Variants in MRS2 observed in about 807,000 individuals in gnomAD.
MRS2 encodes magnesium transporter MRS2 homolog, mitochondrial.
A neutral mutation model predicts 52.6 loss-of-function variants in MRS2; 40 were observed. The ratio of observed to expected loss-of-function variants is 0.76; its 90% CI spans 0.59 to 0.99. The LOEUF (loss-of-function observed/expected upper bound fraction) is 0.99, where lower values mean the gene tolerates loss of function less well. Among genes scored for constraint, MRS2 ranks in the 50% least tolerant of loss-of-function variants. The pLI is 0.00. For synonymous variants in MRS2, 193 were observed against 195.9 expected (o/e 0.98, Z 0.13); for missense variants, 472 against 532.7 (o/e 0.89, Z 1.12).
At chr6:24,423,104 C>T (rs1235401021) in intron 10 of MRS2, 54 bp downstream of exon 10, 2 of 1,433,390 alleles carry the variant, frequency 1.4e-6, no homozygotes, top group Non-Finnish European at 1.9e-6. Flanking sequence ...ATCATGGGCC[C>T]TAAAGTCAGA....
Position 24,412,310 on chromosome 6 carries a change from C to A in MRS2, c.503C>A (p.Pro168His), listed in dbSNP as rs1443441307. The A allele has an allele frequency of 3.7e-6, 6 of 1,604,042 alleles. No individual in the cohort carries two copies. Residue 168 changes from proline to histidine, a missense_variant, in exon 5 of 11, where the codon CCT becomes CAT. Pro to His is a moderately conservative substitution (Grantham distance 77). Coordinates refer to ENST00000378386, the MANE Select transcript of MRS2 (RefSeq NM_020662.4). ...GAGCAATGGCTGTTCCGGGAACTCC[C>A]TTCACAGTTGTCTGGAGAGGGTCAA... Reference protein sequence around the residue: ...NLEQWLFRELPSQLSGEGQLV... With the variant: ...NLEQWLFRELHSQLSGEGQLV...
intron 10 of MRS2, chr6:24,423,255 G>A: frequency 1.9e-6 from 1 of 531,736 alleles, no homozygotes; most frequent in Non-Finnish European, 3.3e-6. Context: ...TATGTGTAAA[G>A]CACTTACTAG....
chr6:24,403,602 T>G (rs904717630), intron 1 of MRS2, among the ~76,000 whole-genome samples: 1 of 152,228 alleles, frequency 6.6e-6, no homozygotes, highest in Non-Finnish European at 1.5e-5. Context: ...GTGTTGTTTT[T>G]GAGACAGGGT....
intron 9 of MRS2, among the ~76,000 whole-genome samples, chr6:24,422,221 G>A (rs1047929589): frequency 6.6e-6 from 1 of 152,194 alleles, no homozygotes; most frequent in South Asian, 2.1e-4. Flanking sequence ...TAGCTGATCA[G>A]TTGTGTAACA....
At chr6:24,418,321 G>T in intron 8 of MRS2, 85 bp downstream of exon 8, 1 of 1,482,294 alleles carries the variant, frequency 6.7e-7, no homozygotes, top group Non-Finnish European at 9.0e-7. Flanking sequence ...GAGGAATTAC[G>T]CCATCATTAT....
chr6:24,414,940 T>C (rs1205883991), intron 5 of MRS2, 93 bp from the exon 6 acceptor site: 4 of 1,162,184 alleles, frequency 3.4e-6, no homozygotes, highest in Non-Finnish European at 4.8e-6. Flanking sequence ...TTCAAGCTAC[T>C]ACAGATTTCT....
intron 4 of MRS2, 46 bp downstream of exon 4, chr6:24,409,619 AAAAG>A (rs1761587686): frequency 1.7e-6 from 2 of 1,193,116 alleles, no homozygotes; most frequent in South Asian, 2.7e-5. Flanking sequence ...ACAATCTTAT[AAAAG>A]TTACCTTCTA....
intron 3 of MRS2, among the ~76,000 whole-genome samples, chr6:24,409,139 T>A (rs1210312848): frequency 1.3e-5 from 2 of 152,090 alleles, no homozygotes; most frequent in Non-Finnish European, 2.9e-5. Flanking sequence ...GTGTACAGTT[T>A]ATATTTAAGA....
chr6:24,407,986 A>G (rs1761531628), intron 2 of MRS2, among the ~76,000 whole-genome samples: 1 of 152,162 alleles, frequency 6.6e-6, no homozygotes, highest in African/African-American at 2.4e-5. Flanking sequence ...GGCTGGGAAC[A>G]TGGCCACAAG....
At chr6:24,409,084 TA>T (rs1394196410) in intron 3 of MRS2, among the ~76,000 whole-genome samples, 1 of 152,212 alleles carries the variant, frequency 6.6e-6, no homozygotes, top group Admixed American at 6.5e-5. Context: ...TTCACATATA[TA>T]AAATACTGAA....
intron 8 of MRS2, 91 bp from the exon 9 acceptor site, chr6:24,418,368 TAG>T: frequency 6.5e-7 from 1 of 1,546,004 alleles, no homozygotes; most frequent in Non-Finnish European, 8.7e-7. Context: ...TTTTGTTGTG[TAG>T]GTTTCATCCA....
In MRS2 at chr6:24,405,259, A is replaced by T. The variant is rs770241838; in HGVS notation, c.264+18A>T. 5.0e-6 allele frequency: 8 copies of T among 1,586,658 alleles called. No homozygotes were observed. Among genetic ancestry groups the T allele is most frequent in the Admixed American group, 1.7e-5 (1 of 58,910 alleles). On this transcript the variant is annotated intron_variant, in intron 2 of 10. Transcript: ENST00000378386. ...TTACTGTGGTGAGTATGTACAGTAC[A>T]TTGGAAATCGTACAGAAAGTGCTTC...
rs1581705227 is a variant in MRS2, at chr6:24,416,375, T to C, written c.720-22T>C. The C allele has an allele frequency of 5.3e-6, 5 of 943,570 alleles. No homozygotes were observed. In the East Asian group the frequency reaches 1.2e-4, roughly 23 times the overall value. 58.4% of individuals were successfully genotyped at this position (943,570 alleles called of 1,614,324 possible). ...TTATAAGTTTATTCTATTGATCATT[T>C]TTGTGTATCTATTTCTTATAGTCTA... On this transcript the variant is annotated intron_variant, in intron 6 of 10. Transcript: ENST00000378386.
intron 7 of MRS2, among the ~76,000 whole-genome samples, chr6:24,417,604 T>G (rs1347246198): frequency 6.6e-6 from 1 of 152,150 alleles, no homozygotes; most frequent in Non-Finnish European, 1.5e-5. Context: ...GTAAAGTGTT[T>G]TGGATCAGTT....
intron 7 of MRS2, 32 bp downstream of exon 7, chr6:24,416,545 T>G (rs778133613): frequency 4.5e-6 from 5 of 1,102,962 alleles, no homozygotes; most frequent in Non-Finnish European, 5.4e-6. Context: ...GTTATTTATT[T>G]CCTTAGAGTA....
At chr6:24,423,105 T>G in intron 10 of MRS2, 55 bp downstream of exon 10, 34 of 1,391,632 alleles carry the variant, frequency 2.4e-5, no homozygotes, top group Non-Finnish European at 3.2e-5. Context: ...TCATGGGCCC[T>G]AAAGTCAGAG....
Position 24,403,139 on chromosome 6 carries a change from T to A in MRS2, c.93T>A (p.Ser31=). 1 of 1,611,578 alleles carries A rather than the reference T, an allele frequency of 6.2e-7. No individual in the cohort carries two copies. Among genetic ancestry groups the A allele is most frequent in the Non-Finnish European group, 8.5e-7 (1 of 1,179,906 alleles). The change falls in exon 1 of 11, where the codon TCT becomes TCA. Residue 31 remains serine, a synonymous_variant. Coordinates refer to ENST00000378386, the MANE Select transcript of MRS2 (RefSeq NM_020662.4). The part of the protein sequence containing the change: ...TLCALALDVT[S]VGPPVAACGR... The stretch of plus-strand genomic sequence containing the variant: ...GTGCCCTGGCCTTGGACGTGACCTC[T>A]GTGGGTCCTCCCGTTGCTGCCTGCG...
chr6:24,416,347 T>C (rs750391065), intron 6 of MRS2, 50 bp from the exon 7 acceptor site: 1 of 774,844 alleles, frequency 1.3e-6, no homozygotes, highest in African/African-American at 1.7e-5. Flanking sequence ...TTATGAAATG[T>C]TCTTATAAGT....
rs983619058 is a variant in MRS2, at chr6:24,405,913, G to A, written c.264+672G>A. Among the ~76,000 whole-genome samples, 16 of 151,642 alleles carry A rather than the reference G, an allele frequency of 1.1e-4. 1 individual carries two copies. The highest frequency in any genetic ancestry group is 6.8e-3 in the Middle Eastern group (2 of 294). On this transcript the variant is annotated intron_variant, in intron 2 of 10. Transcript: ENST00000378386. ...GAGGTCAGGAGATTGAGACCATCCT[G>A]GCTAACACAGTGAAACCCCATCTCT...
Sources: allele counts gnomAD v4.1 joint callset (sites outside exome capture counted in the v4.1 genomes callset), GRCh38; gene constraint gnomAD v4.1.1; transcripts MANE v1.5; gene names NCBI Gene and HGNC (gene_info 2026-07-23, HGNC 2026-07-21).